Variants in CTDSPL2 observed in about 807,000 individuals in gnomAD.
The protein encoded by CTDSPL2 is CTD small phosphatase-like protein 2.
CTDSPL2 carries 5 observed loss-of-function variants against 60.0 expected under a neutral mutation model. The observed-to-expected ratio is 0.08, with a 90% CI of 0.04 to 0.18. The LOEUF (loss-of-function observed/expected upper bound fraction) is 0.18. Among genes scored for constraint, CTDSPL2 ranks in the 10% least tolerant of loss-of-function variants. The pLI is 1.00. For missense variants in CTDSPL2, 370 were observed against 548.8 expected (o/e 0.67, Z 3.26); for synonymous variants, 186 against 189.3 (o/e 0.98, Z 0.14).
chr15:44,480,639 C>G (rs1249782927), intron 2 of CTDSPL2, among the ~76,000 whole-genome samples: 1 of 151,978 alleles, frequency 6.6e-6, no homozygotes, highest in Non-Finnish European at 1.5e-5. Context: ...TTGAGACCAG[C>G]CTGGGCAACA....
At chr15:44,493,101 G>C (rs114188780) in intron 5 of CTDSPL2, among the ~76,000 whole-genome samples, 2,694 of 151,322 alleles carry the variant, frequency 0.018, 87 homozygotes, top group African/African-American at 0.062. Context: ...TTTTGTGATT[G>C]GAACTGTTGA....
At position 44,527,443 on chromosome 15, in the gene CTDSPL2, G is replaced by C. The variant is rs1567111193; in HGVS notation, c.*3269G>C. 6.6e-6 allele frequency: 1 copy of C among 152,042 alleles called. No individual in the cohort carries two copies. The highest frequency in any genetic ancestry group is 1.5e-5 in the Non-Finnish European group (1 of 67,956). The allele number at this position is 152,042 out of a possible 1,614,324, so 9.4% of individuals were successfully genotyped here. A position where few individuals can be genotyped will look rare whatever the true frequency, so the allele number is the denominator to read the frequency against. On this transcript the variant is annotated 3_prime_UTR_variant, in exon 13 of 13. Coordinates refer to ENST00000260327, the MANE Select transcript of CTDSPL2 (RefSeq NM_016396.3). ...AAAACAGAGACTTCATCTCATCAAT[G>C]AAGAAAGCATTTCATTATTCCTACA...
chr15:44,494,105 T>C (rs1225969385), intron 5 of CTDSPL2, among the ~76,000 whole-genome samples: 1 of 152,202 alleles, frequency 6.6e-6, no homozygotes, highest in Non-Finnish European at 1.5e-5. Flanking sequence ...TAAATTTTTA[T>C]ATCTGAGACG....
At chr15:44,474,278 C>T (rs1015333896) in intron 2 of CTDSPL2, among the ~76,000 whole-genome samples, 1 of 152,114 alleles carries the variant, frequency 6.6e-6, no homozygotes, top group South Asian at 2.1e-4. Flanking sequence ...ATTGCCTGAG[C>T]TCAGGAGTTC....
At chr15:44,480,499 G>GT in intron 2 of CTDSPL2, among the ~76,000 whole-genome samples, 1 of 152,030 alleles carries the variant, frequency 6.6e-6, no homozygotes, top group Non-Finnish European at 1.5e-5. Context: ...TCAGTTCTCT[G>GT]TATTTACATG....
intron 1 of CTDSPL2, among the ~76,000 whole-genome samples, chr15:44,435,594 C>T (rs2079961670): frequency 6.6e-6 from 1 of 151,126 alleles, no homozygotes; most frequent in Non-Finnish European, 1.5e-5. Context: ...AGAGAATCTT[C>T]CTGTTGTAGA....
intron 2 of CTDSPL2, among the ~76,000 whole-genome samples, chr15:44,460,036 G>A (rs1290621157): frequency 6.6e-6 from 1 of 152,188 alleles, no homozygotes; most frequent in Non-Finnish European, 1.5e-5. Flanking sequence ...GATACCAACT[G>A]CTTCGTCTAT....
intron 2 of CTDSPL2, among the ~76,000 whole-genome samples, chr15:44,473,330 C>T (rs2080848475): frequency 6.6e-6 from 1 of 152,088 alleles, no homozygotes; most frequent in Non-Finnish European, 1.5e-5. Context: ...TAATCTCGCT[C>T]TATCGCCCAG....
chr15:44,511,734 G>A (rs1206480847), intron 8 of CTDSPL2, among the ~76,000 whole-genome samples: 1 of 151,950 alleles, frequency 6.6e-6, no homozygotes, highest in East Asian at 1.9e-4. Context: ...CGGATGTGGT[G>A]GCACACGCCT....
intron 10 of CTDSPL2, chr15:44,517,479 CAA>C (rs775454701): frequency 5.8e-5 from 7 of 120,796 alleles, no homozygotes; most frequent in Non-Finnish European, 3.5e-5. Flanking sequence ...GACTCCGTCT[CAA>C]AAAAAAAAAA....
chr15:44,506,025 C>CTTTTTTTTTTTTTTTTTTT (rs753896129), intron 8 of CTDSPL2, among the ~76,000 whole-genome samples: 41 of 117,576 alleles, frequency 3.5e-4, no homozygotes, highest in East Asian at 2.4e-3. Flanking sequence ...TCATTGGTAA[C>CTTTTTTTTTTTTTTTTTTT]TTTTTTTTTT....
intron 2 of CTDSPL2, among the ~76,000 whole-genome samples, chr15:44,471,971 TAA>T (rs201621712): frequency 2.8e-5 from 4 of 140,648 alleles, no homozygotes; most frequent in African/African-American, 5.2e-5. Flanking sequence ...GAATAAAAAT[TAA>T]AAAAAAAAAA....
intron 2 of CTDSPL2, among the ~76,000 whole-genome samples, chr15:44,467,986 A>G (rs1451430881): frequency 6.6e-6 from 1 of 151,972 alleles, no homozygotes; most frequent in African/African-American, 2.4e-5. Flanking sequence ...ATCTGTATTC[A>G]TGGAGGATTT....
chr15:44,500,164 A>G (rs780943664), intron 8 of CTDSPL2, among the ~76,000 whole-genome samples: 4 of 152,240 alleles, frequency 2.6e-5, no homozygotes, highest in Non-Finnish European at 4.4e-5. Context: ...CCAAAAATCC[A>G]ATTAATACAA....
chr15:44,470,712 T>G (rs1162954304), intron 2 of CTDSPL2: 2 of 152,202 alleles, frequency 1.3e-5, no homozygotes, highest in African/African-American at 4.8e-5. Flanking sequence ...CCTCCTAAAG[T>G]GCTGGGATTA....
At chr15:44,447,076 T>C (rs541398086) in intron 1 of CTDSPL2, among the ~76,000 whole-genome samples, 2 of 152,304 alleles carry the variant, frequency 1.3e-5, no homozygotes, top group South Asian at 4.1e-4. Flanking sequence ...TTGCAAGTTA[T>C]TTATATTGAA....
At chr15:44,513,776 AAATG>A (rs747713103) in intron 8 of CTDSPL2, among the ~76,000 whole-genome samples, 30 of 152,244 alleles carry the variant, frequency 2.0e-4, no homozygotes, top group Non-Finnish European at 3.5e-4. Context: ...TTTTGTAACA[AAATG>A]AATACAATTT....
chr15:44,494,556 C>G (rs1199399542), intron 5 of CTDSPL2, among the ~76,000 whole-genome samples: 1 of 151,870 alleles, frequency 6.6e-6, no homozygotes, highest in Non-Finnish European at 1.5e-5. Flanking sequence ...AGTGTTTGCT[C>G]CACTGTGCTC....
intron 12 of CTDSPL2, among the ~76,000 whole-genome samples, chr15:44,521,962 A>AAAC (rs2081784337): frequency 6.7e-6 from 1 of 150,330 alleles, no homozygotes; most frequent in Non-Finnish European, 1.5e-5. Context: ...AAAAAAAAAA[A>AAAC]ACATGATGAT....
Sources: allele counts gnomAD v4.1 joint callset (sites outside exome capture counted in the v4.1 genomes callset), GRCh38; gene constraint gnomAD v4.1.1; transcripts MANE v1.5; gene names NCBI Gene and HGNC (gene_info 2026-07-23, HGNC 2026-07-21).